The following CDC14A variants were observed in gnomAD, a reference collection of about 807,000 sequenced individuals.
CDC14A encodes the protein dual specificity protein phosphatase CDC14A.
A neutral mutation model predicts 74.4 loss-of-function variants in CDC14A; 53 were observed. The ratio of observed to expected loss-of-function variants is 0.71; its 90% CI spans 0.57 to 0.89. The LOEUF is 0.89. CDC14A is among the 40% of genes least tolerant of loss of function. The pLI is 0.00. For synonymous variants in CDC14A, 247 were observed against 258.4 expected, an observed-to-expected ratio of 0.96 and a Z score of 0.43; for missense variants, 646 against 713.7, an observed-to-expected ratio of 0.91 and a Z score of 1.08.
intron 9 of CDC14A, among the ~76,000 whole-genome samples, chr1:100,463,376 C>CTTCCATGCCCCTA (rs1667500319): frequency 6.6e-6 from 1 of 152,122 alleles, no homozygotes; most frequent in South Asian, 2.1e-4. Flanking sequence ...TGGAGCAGAG[C>CTTCCATGCCCCTA]GTCTTCCATG....
chr1:100,429,234 T>TAAATAAATAAATAAATAAAAATAAA (rs60569646), intron 5 of CDC14A, among the ~76,000 whole-genome samples: 1 of 146,428 alleles, frequency 6.8e-6, no homozygotes, highest in African/African-American at 2.5e-5. Context: ...AATAAATAAA[T>TAAATAAATAAATAAATAAAAATAAA]ATAAAATAAA....
chr1:100,459,002 C>T (rs922178292), intron 8 of CDC14A, among the ~76,000 whole-genome samples: 1 of 151,782 alleles, frequency 6.6e-6, no homozygotes, highest in African/African-American at 2.4e-5. Flanking sequence ...TGATGGATAA[C>T]AGCAGAATGA....
intron 11 of CDC14A, among the ~76,000 whole-genome samples, chr1:100,486,232 C>A (rs191741091): frequency 6.6e-6 from 1 of 152,282 alleles, no homozygotes; most frequent in Admixed American, 6.5e-5. Context: ...ATAGTACTTT[C>A]TATATCATAA....
upstream of CDC14A, among the ~76,000 whole-genome samples, chr1:100,349,110 C>T (rs1221862053): frequency 6.6e-6 from 1 of 152,028 alleles, no homozygotes; most frequent in Non-Finnish European, 1.5e-5. Flanking sequence ...GCAGTAGAAT[C>T]GCTTGAACCC....
Position 100,410,820 on chromosome 1 carries a change from T to C in CDC14A, c.310-13402T>C, listed in dbSNP as rs115144796. On this transcript the variant is annotated intron_variant, in intron 4 of 15. Transcript: ENST00000336454. The stretch of plus-strand genomic sequence containing the variant: ...AACCACGATGGTGATCACCGAATTC[T>C]CGCTATTAATTCAATTTAAAAAATT... 4.0e-3 allele frequency among the ~76,000 whole-genome samples: 602 copies of C among 152,366 alleles called. 4 individuals carry two copies. Among genetic ancestry groups the C allele is most frequent in the African/African-American group, 0.013 (552 of 41,588 alleles).
At chr1:100,407,924 T>C (rs1660161995) in intron 4 of CDC14A, among the ~76,000 whole-genome samples, 1 of 152,182 alleles carries the variant, frequency 6.6e-6, no homozygotes, top group African/African-American at 2.4e-5. Context: ...TAAAAAAATC[T>C]TTTATTTTAG....
chr1:100,389,743 A>G (rs1055485778), intron 3 of CDC14A, among the ~76,000 whole-genome samples: 7 of 152,166 alleles, frequency 4.6e-5, no homozygotes, highest in African/African-American at 1.4e-4. Flanking sequence ...TAGTCAATGT[A>G]TAAGATAGAA....
At chr1:100,412,235 G>T (rs375317093) in intron 4 of CDC14A, among the ~76,000 whole-genome samples, 1 of 152,038 alleles carries the variant, frequency 6.6e-6, no homozygotes, top group African/African-American at 2.4e-5. Context: ...GTATCGTTCC[G>T]ATTTCTCTTA....
intron 2 of CDC14A, among the ~76,000 whole-genome samples, chr1:100,356,544 A>G (rs1364234240): frequency 1.3e-5 from 2 of 151,982 alleles, no homozygotes; most frequent in African/African-American, 4.8e-5. Context: ...TGTTAAGGAG[A>G]TAAGAGCCCA....
chr1:100,444,671 G>A (rs1229066087), intron 7 of CDC14A, among the ~76,000 whole-genome samples: 1 of 152,050 alleles, frequency 6.6e-6, no homozygotes, highest in African/African-American at 2.4e-5. Flanking sequence ...TTAAAATCCT[G>A]CACAGATTAC....
chr1:100,396,592 A>G (rs1658527056), intron 4 of CDC14A, among the ~76,000 whole-genome samples: 1 of 152,260 alleles, frequency 6.6e-6, no homozygotes, highest in African/African-American at 2.4e-5. Flanking sequence ...AGTAAAGAGC[A>G]TAGACCAAGG....
intron 4 of CDC14A, among the ~76,000 whole-genome samples, chr1:100,406,948 A>G (rs79057040): frequency 0.069 from 10,424 of 151,058 alleles, 780 homozygotes; most frequent in African/African-American, 0.18. Flanking sequence ...AAAAAAAAAG[A>G]AAAAGGCAGT....
intron 4 of CDC14A, among the ~76,000 whole-genome samples, chr1:100,409,242 G>A (rs1660352895): frequency 6.6e-6 from 1 of 152,134 alleles, no homozygotes. Flanking sequence ...GCACGGGAAA[G>A]ACCTGCCCTC....
intron 11 of CDC14A, 95 bp from the exon 12 acceptor site, chr1:100,494,723 T>C (rs1274562439): frequency 3.5e-5 from 22 of 625,826 alleles, no homozygotes; most frequent in Non-Finnish European, 6.0e-5. Context: ...TATATTAAGA[T>C]AATCTGTATA....
chr1:100,505,899 T>C (rs1322521619), intron 15 of CDC14A, among the ~76,000 whole-genome samples: 1 of 152,074 alleles, frequency 6.6e-6, no homozygotes, highest in African/African-American at 2.4e-5. Context: ...CTTACAATCA[T>C]GGTGGAAGGC....
At chr1:100,448,497 G>T (rs556896070) in intron 7 of CDC14A, among the ~76,000 whole-genome samples, 1 of 152,180 alleles carries the variant, frequency 6.6e-6, no homozygotes, top group Non-Finnish European at 1.5e-5. Context: ...AACAGTCACC[G>T]CACAGGGCTT....
In CDC14A at chr1:100,377,573, C is replaced by T. The variant is rs373599440; in HGVS notation, c.168C>T (p.Asn56=). The T allele has an allele frequency of 8.7e-6, 14 of 1,613,434 alleles. No individual in the cohort carries two copies. In the African/African-American group the frequency reaches 9.3e-5, roughly 11 times the overall value. The change falls in exon 3 of 16, where the codon AAC becomes AAT. Residue 56 remains asparagine, a synonymous_variant. Transcript: ENST00000336454. ...ENFYADFGPL[N]LAMVYRYCCK... ...TCTATGCAGATTTTGGACCGCTGAA[C>T]TTGGCAATGGTGTACAGATATTGCT...
chr1:100,440,846 A>G (rs1014878128), intron 6 of CDC14A, among the ~76,000 whole-genome samples: 1 of 152,252 alleles, frequency 6.6e-6, no homozygotes, highest in South Asian at 2.1e-4. Context: ...GGTTGTTTCT[A>G]TTTAATTTAA....
At chr1:100,485,557 C>T (rs541214466) in intron 11 of CDC14A, among the ~76,000 whole-genome samples, 34 of 151,382 alleles carry the variant, frequency 2.2e-4, no homozygotes, top group East Asian at 3.9e-4. Context: ...AGCAAGCACC[C>T]GTCTAAAAAA....
Sources: gnomAD v4.1 joint callset for allele counts (sites outside exome capture counted in the v4.1 genomes callset) on GRCh38, gnomAD v4.1.1 for gene constraint, MANE v1.5 for transcripts, NCBI Gene and HGNC (gene_info 2026-07-23, HGNC 2026-07-21) for gene names.